ZFPM2: variants seen among roughly 807,000 people sequenced by gnomAD.
The protein encoded by ZFPM2 is zinc finger protein, FOG family member 2.
ZFPM2 carries 20 observed loss-of-function variants against 98.6 expected under a neutral mutation model. The observed-to-expected ratio is 0.20, with a 90% CI of 0.14 to 0.29. The LOEUF (loss-of-function observed/expected upper bound fraction) is 0.29, where lower values mean the gene tolerates loss of function less well. ZFPM2 is among the 10% of genes least tolerant of loss of function. ZFPM2 has a pLI of 1.00. For synonymous variants in ZFPM2, 518 were observed against 502.7 expected, an observed-to-expected ratio of 1.03 and a Z score of -0.41; for missense variants, 1,310 against 1,388.6, an observed-to-expected ratio of 0.94 and a Z score of 0.90.
chr8:105,623,880 C>T (rs973307457), intron 4 of ZFPM2, among the ~76,000 whole-genome samples: 1 of 152,054 alleles, frequency 6.6e-6, no homozygotes, highest in Non-Finnish European at 1.5e-5. Context: ...GTTAAAATAT[C>T]AAAATGTAGT....
chr8:105,501,586 C>T (rs1813597134), intron 3 of ZFPM2, among the ~76,000 whole-genome samples: 1 of 151,836 alleles, frequency 6.6e-6, no homozygotes, highest in African/African-American at 2.4e-5. Flanking sequence ...TTGTTGCAAC[C>T]TCTGCCACCT....
intron 5 of ZFPM2, among the ~76,000 whole-genome samples, chr8:105,650,589 T>C (rs1323871998): frequency 1.3e-5 from 2 of 152,204 alleles, no homozygotes; most frequent in East Asian, 3.9e-4. Context: ...TTTGTTCTCA[T>C]TGGTTTCAAA....
intron 3 of ZFPM2, among the ~76,000 whole-genome samples, chr8:105,512,736 T>C (rs1413116257): frequency 2.0e-5 from 3 of 152,202 alleles, no homozygotes; most frequent in South Asian, 4.1e-4. Flanking sequence ...TGTTTGTTTT[T>C]CTGTAGATTA....
chr8:105,347,308 T>C (rs1430158798), intron 1 of ZFPM2, among the ~76,000 whole-genome samples: 1 of 152,230 alleles, frequency 6.6e-6, no homozygotes, highest in Admixed American at 6.5e-5. Flanking sequence ...GTCATTGATG[T>C]CAATAAAAAC....
chr8:105,744,956 C>G (rs1253386636), intron 5 of ZFPM2, among the ~76,000 whole-genome samples: 1 of 152,148 alleles, frequency 6.6e-6, no homozygotes, highest in Non-Finnish European at 1.5e-5. Context: ...AATCCCAATT[C>G]TCTCAAAGAT....
intron 2 of ZFPM2, among the ~76,000 whole-genome samples, chr8:105,432,418 C>T (rs1812038754): frequency 6.6e-6 from 1 of 152,168 alleles, no homozygotes; most frequent in Non-Finnish European, 1.5e-5. Context: ...TCTCTATTGG[C>T]TACTTCTCCA....
At chr8:105,572,038 T>TC (rs985528947) in intron 4 of ZFPM2, among the ~76,000 whole-genome samples, 1 of 124,790 alleles carries the variant, frequency 8.0e-6, no homozygotes, top group African/African-American at 3.3e-5. Flanking sequence ...AATTTCTTTT[T>TC]TTTTTTTTTT....
intron 1 of ZFPM2, among the ~76,000 whole-genome samples, chr8:105,400,610 T>C (rs1811321219): frequency 6.6e-6 from 1 of 152,224 alleles, no homozygotes; most frequent in Admixed American, 6.5e-5. Context: ...GGTGTTTTTA[T>C]TGTGTGATTT....
In ZFPM2 at chr8:105,330,646, A is replaced by ATT. The variant is rs1371494847; in HGVS notation, c.40+11666_40+11667insTT. ...TATATATATATACATATATATATATATATTTTTCAGGAATAGTGAGGAATC... is the reference window on the plus strand; with the variant it reads ...TATATATATATACATATATATATATATTTATTTTTCAGGAATAGTGAGGAATC... On this transcript the variant is annotated intron_variant, in intron 1 of 7. Coordinates refer to ENST00000407775, the MANE Select transcript of ZFPM2 (RefSeq NM_012082.4). Among the ~76,000 whole-genome samples, 100 of 133,492 alleles carry ATT rather than the reference A, an allele frequency of 7.5e-4. 1 individual carries two copies. Among genetic ancestry groups the ATT allele is most frequent in the Middle Eastern group, 4.1e-3 (1 of 246 alleles). 87.6% of individuals were successfully genotyped at this position (133,492 alleles called of 152,430 possible).
At chr8:105,372,875 A>G (rs1294812501) in intron 1 of ZFPM2, among the ~76,000 whole-genome samples, 4 of 152,224 alleles carry the variant, frequency 2.6e-5, no homozygotes, top group African/African-American at 4.8e-5. Context: ...AAGTTTCACG[A>G]TAATGATAGG....
At chr8:105,395,282 G>T (rs1159393188) in intron 1 of ZFPM2, among the ~76,000 whole-genome samples, 4 of 152,170 alleles carry the variant, frequency 2.6e-5, no homozygotes, top group Non-Finnish European at 5.9e-5. Context: ...TGAAATGAAA[G>T]TTTATTTTTG....
At chr8:105,732,771 T>C (rs1811972318) in intron 5 of ZFPM2, among the ~76,000 whole-genome samples, 1 of 151,856 alleles carries the variant, frequency 6.6e-6, no homozygotes, top group Non-Finnish European at 1.5e-5. Flanking sequence ...GACATTGGAC[T>C]GAAGCATTGC....
At chr8:105,798,701 G>T (rs1418291900) in intron 6 of ZFPM2, 23 bp from the exon 7 acceptor site, 1 of 1,595,186 alleles carries the variant, frequency 6.3e-7, no homozygotes, top group Non-Finnish European at 8.6e-7. Context: ...CAGCAAATGT[G>T]TCTCTTGTGT....
chr8:105,584,225 G>A (rs1815664212), intron 4 of ZFPM2, among the ~76,000 whole-genome samples: 1 of 151,952 alleles, frequency 6.6e-6, no homozygotes, highest in Non-Finnish European at 1.5e-5. Flanking sequence ...GTAATTAAAT[G>A]TTTTTAAGGT....
At chr8:105,370,289 GTTCT>G (rs1343446037) in intron 1 of ZFPM2, among the ~76,000 whole-genome samples, 2 of 152,182 alleles carry the variant, frequency 1.3e-5, no homozygotes, top group Non-Finnish European at 2.9e-5. Context: ...ATAAGTATTA[GTTCT>G]TTCTAATGGA....
At chr8:105,320,738 T>A (rs1486424388) in intron 1 of ZFPM2, among the ~76,000 whole-genome samples, 1 of 152,222 alleles carries the variant, frequency 6.6e-6, no homozygotes, top group Non-Finnish European at 1.5e-5. Context: ...TTAATTTTTT[T>A]ATTTCCTTCT....
intron 6 of ZFPM2, chr8:105,798,520 G>T (rs1813900643): frequency 2.0e-6 from 1 of 509,656 alleles, no homozygotes; most frequent in Non-Finnish European, 3.5e-6. Context: ...TCTAGAGTCT[G>T]TGGGAAGTTA....
At chr8:105,799,052 T>G in intron 7 of ZFPM2, 104 bp downstream of exon 7, 1 of 1,067,464 alleles carries the variant, frequency 9.4e-7, no homozygotes, top group Non-Finnish European at 1.3e-6. Flanking sequence ...TCTGTAGCTA[T>G]CTATAACATC....
chr8:105,337,163 C>T (rs1812341977), intron 1 of ZFPM2, among the ~76,000 whole-genome samples: 1 of 151,724 alleles, frequency 6.6e-6, no homozygotes, highest in South Asian at 2.1e-4. Context: ...TCATTATCAA[C>T]ACGTTATGGT....
Sources: gnomAD v4.1 joint callset for allele counts (sites outside exome capture counted in the v4.1 genomes callset) on GRCh38, gnomAD v4.1.1 for gene constraint, MANE v1.5 for transcripts, NCBI Gene and HGNC (gene_info 2026-07-23, HGNC 2026-07-21) for gene names.